Variants in SDF4 observed in about 807,000 individuals in gnomAD.
SDF4 encodes 45 kDa calcium-binding protein.
Under a neutral mutation model 34.2 loss-of-function variants are expected in SDF4, and 22 were observed. The ratio of observed to expected loss-of-function variants is 0.64; its 90% CI spans 0.46 to 0.92. The LOEUF (loss-of-function observed/expected upper bound fraction) is 0.92. Ranked by LOEUF, SDF4 falls within the 40% of genes least tolerant of loss-of-function variation. The pLI, the probability that SDF4 is intolerant of heterozygous loss-of-function variation, is 0.00. For missense variants in SDF4, 447 were observed against 499.9 expected, an observed-to-expected ratio of 0.89 and a Z score of 1.01; for synonymous variants, 236 against 203.1, an observed-to-expected ratio of 1.16 and a Z score of -1.38.
At chr1:1,223,141 C>T (rs751361513) in intron 4 of SDF4, 103 bp downstream of exon 4, 1 of 822,148 alleles carries the variant, frequency 1.2e-6, no homozygotes, top group South Asian at 1.4e-5. Context: ...ACACGCACGG[C>T]ACACTCATAC....
In SDF4 at chr1:1,217,904, G is replaced by GC; in HGVS notation, c.892-217dup. On this transcript the variant is annotated intron_variant, in intron 6 of 6. Transcript: ENST00000360001. The surrounding 1 kb of genome is among the most constrained non-coding windows in gnomAD (Gnocchi z 8.5). The stretch of plus-strand genomic sequence containing the variant: ...GCCCGGGGCCAGCAGGGGTAACGGG[G>GC]CACAGGGGCTACACAGGCCTGGACC... The GC allele has an allele frequency of 7.6e-7, 1 of 1,318,532 alleles. No homozygotes were observed. The highest frequency in any genetic ancestry group is 1.5e-5 in the South Asian group (1 of 66,024). The allele number at this position is 1,318,532 out of a possible 1,614,324, so 81.7% of individuals were successfully genotyped here.
chr1:1,229,085 C>T (rs115503846), intron 1 of SDF4, 139 bp from the exon 2 acceptor site: 1 of 391,190 alleles, frequency 2.6e-6, no homozygotes, highest in African/African-American at 2.9e-5. Flanking sequence ...ACACGTGGCA[C>T]TGCCTTCTCC....
chr1:1,218,045 CAT>C lies in SDF4; in HGVS notation c.892-359_892-358del, dbSNP rs529392960. Among the ~76,000 whole-genome samples the C allele has an allele frequency of 7.0e-4, 106 of 152,374 alleles. No individual in the cohort carries two copies. The highest frequency in any genetic ancestry group is 1.3e-3 in the Non-Finnish European group (89 of 68,028). On this transcript the variant is annotated intron_variant, in intron 6 of 6. Coordinates refer to ENST00000360001, the MANE Select transcript of SDF4 (RefSeq NM_016176.6). This position sits in a 1 kb window ranked among gnomAD's most constrained non-coding sequence, Gnocchi z 7.9. ...GCAGTGGGAGAAAAACAAGCCTACA[CAT>C]GATACCAGTGAAAACGCTTCAGAGG...
In SDF4 at chr1:1,228,833, C is replaced by A; in HGVS notation, c.-61G>T. On this transcript the variant is annotated 5_prime_UTR_variant, in exon 2 of 7. Coordinates refer to ENST00000360001, the MANE Select transcript of SDF4 (RefSeq NM_016176.6). ...GGTGTGGGCCAGGTGCTGGGAGGGGCAGGGGCAGGGGCAGAGGAGGAAGTG... is the reference window on the plus strand; with the variant it reads ...GGTGTGGGCCAGGTGCTGGGAGGGGAAGGGGCAGGGGCAGAGGAGGAAGTG... The A allele has an allele frequency of 7.0e-7, 1 of 1,437,746 alleles. No individual in the cohort carries two copies. Among genetic ancestry groups the A allele is most frequent in the South Asian group, 1.3e-5 (1 of 79,830 alleles). The allele number at this position is 1,437,746 out of a possible 1,614,324, so 89.1% of individuals were successfully genotyped here. A position where few individuals can be genotyped will look rare whatever the true frequency, so the allele number is the denominator to read the frequency against.
chr1:1,228,436 G>GA, intron 2 of SDF4, 32 bp downstream of exon 2: 1 of 1,568,628 alleles, frequency 6.4e-7, no homozygotes, highest in Admixed American at 1.7e-5. Flanking sequence ...CACGCGGACA[G>GA]CCCCCCAGTC....
chr1:1,223,408 C>T (rs1650095808), intron 3 of SDF4, 51 bp from the exon 4 acceptor site: 1 of 1,289,698 alleles, frequency 7.8e-7, no homozygotes, highest in South Asian at 1.3e-5. Flanking sequence ...AGCTGAACTT[C>T]CTTCTCAACT....
At chr1:1,228,123 C>T (rs1485155881) in intron 2 of SDF4, among the ~76,000 whole-genome samples, 1 of 152,234 alleles carries the variant, frequency 6.6e-6, no homozygotes. Context: ...CTGCAGCCTG[C>T]GGAGGCTGCC....
rs549100218 is a variant in SDF4, at chr1:1,219,013, C to A, written c.557-86G>T. ...AGTTCCGAGAGGTGCTGCCTGAACTCGAGGGACACAGCCACCCGCGAGACC... is the reference window on the plus strand; with the variant it reads ...AGTTCCGAGAGGTGCTGCCTGAACTAGAGGGACACAGCCACCCGCGAGACC... On this transcript the variant is annotated intron_variant, in intron 4 of 6. Coordinates refer to ENST00000360001, the MANE Select transcript of SDF4 (RefSeq NM_016176.6). 9.3e-6 allele frequency: 15 copies of A among 1,611,264 alleles called. No individual in the cohort carries two copies. In the South Asian group the frequency reaches 1.1e-4, roughly 12 times the overall value.
At position 1,218,050 on chromosome 1, in the gene SDF4, T is replaced by C. The variant is rs1649639620; in HGVS notation, c.892-362A>G. On this transcript the variant is annotated intron_variant, in intron 6 of 6. Transcript: ENST00000360001. This position sits in a 1 kb window ranked among gnomAD's most constrained non-coding sequence, Gnocchi z 7.9. ...GGGAGAAAAACAAGCCTACACATGA[T>C]ACCAGTGAAAACGCTTCAGAGGAAG... Among the ~76,000 whole-genome samples, 1 of 152,212 alleles carries C rather than the reference T, an allele frequency of 6.6e-6. No individual in the cohort carries two copies. The highest frequency in any genetic ancestry group is 2.4e-5 in the African/African-American group (1 of 41,458).
At chr1:1,225,638 T>C (rs1338871994) in intron 2 of SDF4, among the ~76,000 whole-genome samples, 3 of 151,980 alleles carry the variant, frequency 2.0e-5, no homozygotes, top group Admixed American at 6.5e-5. Context: ...GGGCACCTGG[T>C]GGGTCTCACG....
At chr1:1,221,180 G>C (rs1411250815) in intron 4 of SDF4, 1 of 197,140 alleles carries the variant, frequency 5.1e-6, no homozygotes, top group Non-Finnish European at 1.0e-5. Context: ...AGAGCAGGCA[G>C]AGCCAACAGG....
chr1:1,228,455 T>C lies in SDF4; in HGVS notation c.305+13A>G, dbSNP rs1399513531. ...CGGACAGCCCCCCAGTCTGGGCACA[T>C]GGCGGCACCTACTTGGAAAAGATGA... is the stretch of plus-strand genomic sequence containing the variant. On this transcript the variant is annotated intron_variant, in intron 2 of 6. Coordinates refer to ENST00000360001, the MANE Select transcript of SDF4 (RefSeq NM_016176.6). 2 of 1,590,898 alleles carry C rather than the reference T, an allele frequency of 1.3e-6. No homozygotes were observed. The highest frequency in any genetic ancestry group is 2.2e-5 in the East Asian group (1 of 44,538).
In SDF4 at chr1:1,220,866, C is replaced by T. The variant is rs78705911; in HGVS notation, c.557-1939G>A. 2.0e-3 allele frequency: 1,688 copies of T among 826,320 alleles called. 28 individuals are homozygous for T. The African/African-American group carries it at 0.027, about 13-fold the overall frequency. The allele number at this position is 826,320 out of a possible 1,614,324, so 51.2% of individuals were successfully genotyped here. On this transcript the variant is annotated intron_variant, in intron 4 of 6. Coordinates refer to ENST00000360001, the MANE Select transcript of SDF4 (RefSeq NM_016176.6). ...GGACCAACGGGATGAAGCTTAAAGA[C>T]GCAGTCAGGACAGCAGGGAACGCGG... is the stretch of plus-strand genomic sequence containing the variant.
chr1:1,228,514 C>T lies in SDF4; in HGVS notation c.259G>A (p.Ala87Thr), dbSNP rs749600477. ...TTCCTCCGGCTCCGCCGCGGCTCCGCGTCCTCATCAAAGCCACCCAGGTCC... is the reference window on the plus strand; with the variant it reads ...TTCCTCCGGCTCCGCCGCGGCTCCGTGTCCTCATCAAAGCCACCCAGGTCC... ...GKDLGGFDED[A>T]EPRRSRRKLM... Residue 87 changes from alanine (A) to threonine (T), a missense_variant, in exon 2 of 7, where the codon GCG (alanine) becomes ACG (threonine). Ala to Thr is a moderately conservative substitution (Grantham distance 58, BLOSUM62 0). Coordinates refer to ENST00000360001, the MANE Select transcript of SDF4 (RefSeq NM_016176.6). The T allele has an allele frequency of 2.5e-6, 4 of 1,612,374 alleles. No individual in the cohort carries two copies. Among genetic ancestry groups the T allele is most frequent in the East Asian group, 2.2e-5 (1 of 44,868 alleles).
chr1:1,217,545 C>T lies in SDF4; in HGVS notation c.1035G>A (p.Val345=). 6.2e-7 allele frequency: 1 copy of T among 1,612,782 alleles called. No homozygotes were observed. The highest frequency in any genetic ancestry group is 1.1e-5 in the South Asian group (1 of 91,056). Residue 345 remains valine, a synonymous_variant, in exon 7 of 7, where the codon GTG becomes GTA. Transcript: ENST00000360001. The surrounding 1 kb of genome is among the most constrained non-coding windows in gnomAD (Gnocchi z 8.5). ...YSEFFTGSKL[V]DYARSVHEEF ...CCTCGTGCACGCTGCGCGCGTAGTC[C>T]ACCAGCTTGCTGCCCGTGAAGAACT... is the stretch of plus-strand genomic sequence containing the variant.
At chr1:1,220,416 AG>A in intron 4 of SDF4, 3 of 1,176,650 alleles carry the variant, frequency 2.5e-6, no homozygotes, top group Non-Finnish European at 3.2e-6. Flanking sequence ...TGACCCTCGC[AG>A]GAGCCATGCA....
At chr1:1,221,785 A>G (rs1453576386) in intron 4 of SDF4, among the ~76,000 whole-genome samples, 2 of 152,182 alleles carry the variant, frequency 1.3e-5, no homozygotes, top group African/African-American at 4.8e-5. Flanking sequence ...ACACGGCAGA[A>G]TCTATCCGTA....
rs977888727 is a variant in SDF4 at position 1,217,335 on chromosome 1, C to T, written c.*177G>A. ...CCCGACCGCGTCACAGCCAAAGCCC[C>T]GCCGGGGTGCGCGCTGCAGAGGGGA... On this transcript the variant is annotated 3_prime_UTR_variant, in exon 7 of 7. Transcript: ENST00000360001. The surrounding 1 kb of genome is among the most constrained non-coding windows in gnomAD (Gnocchi z 8.5). 5.2e-6 allele frequency: 2 copies of T among 384,256 alleles called. No individual in the cohort carries two copies. The highest frequency in any genetic ancestry group is 8.1e-6 in the Non-Finnish European group (2 of 245,842). 23.8% of individuals were successfully genotyped at this position (384,256 alleles called of 1,614,324 possible).
chr1:1,217,942 G>C lies in SDF4; in HGVS notation c.892-254C>G, dbSNP rs1570473557. The C allele has an allele frequency of 1.0e-6, 1 of 988,080 alleles. No homozygotes were observed. Among genetic ancestry groups the C allele is most frequent in the Non-Finnish European group, 1.4e-6 (1 of 704,582 alleles). 61.2% of individuals were successfully genotyped at this position (988,080 alleles called of 1,614,324 possible). ...ACAGGCCTGGACCCCAGTTCTGAAG[G>C]ATCCCTAACCTGGGCCGGGCCCACT... is the stretch of plus-strand genomic sequence containing the variant. On this transcript the variant is annotated intron_variant, in intron 6 of 6. Coordinates refer to ENST00000360001, the MANE Select transcript of SDF4 (RefSeq NM_016176.6). The surrounding 1 kb of genome is among the most constrained non-coding windows in gnomAD (Gnocchi z 8.5).
Sources: gnomAD v4.1 joint callset for allele counts (sites outside exome capture counted in the v4.1 genomes callset) on GRCh38, gnomAD v4.1.1 for gene constraint, Gnocchi (gnomAD v3.1) non-coding constraint, MANE v1.5 for transcripts, NCBI Gene and HGNC (gene_info 2026-07-23, HGNC 2026-07-21) for gene names.